IQSEC1: variants seen among roughly 807,000 people sequenced by gnomAD.
The protein encoded by IQSEC1 is IQ motif and Sec7 domain ArfGEF 1, also known as IQ motif and SEC7 domain-containing protein 1.
In IQSEC1, 31 loss-of-function variants were observed where a neutral mutation model predicts 91.0. The ratio of observed to expected loss-of-function variants is 0.34; its 90% confidence interval spans 0.26 to 0.46. The LOEUF is 0.46. IQSEC1 is among the 20% of genes least tolerant of loss of function. The probability of loss-of-function intolerance (pLI) is 1.00; values close to 1 mark genes in which losing one functional copy is unlikely to be tolerated. For missense variants in IQSEC1, 1,388 were observed against 1,575.6 expected (o/e 0.88, Z 2.02); for synonymous variants, 699 against 662.6 (o/e 1.05, Z -0.84).
At chr3:12,917,420 C>T (rs763638050) in intron 6 of IQSEC1, among the ~76,000 whole-genome samples, 7 of 152,210 alleles carry the variant, frequency 4.6e-5, no homozygotes, top group Non-Finnish European at 8.8e-5. Flanking sequence ...TCCCCAGCTC[C>T]TGGCAGCCAC....
chr3:13,013,326 G>A (rs1038990476), intron 1 of IQSEC1, among the ~76,000 whole-genome samples: 1 of 152,122 alleles, frequency 6.6e-6, no homozygotes, highest in East Asian at 1.9e-4. Context: ...CTCTGCCGGC[G>A]GAGTCCCCTC....
intron 1 of IQSEC1, among the ~76,000 whole-genome samples, chr3:13,250,489 G>T (rs989031198): frequency 1.3e-5 from 2 of 148,636 alleles, no homozygotes; most frequent in Non-Finnish European, 1.5e-5. Context: ...CTTGATCTTG[G>T]CTCACTTCAA....
chr3:12,902,700 AC>A, intron 13 of IQSEC1, 72 bp downstream of exon 13: 1 of 637,398 alleles, frequency 1.6e-6, no homozygotes. Flanking sequence ...AAAAACCAGG[AC>A]AACAGATATG....
At chr3:13,225,928 G>A (rs1164401781) in intron 1 of IQSEC1, among the ~76,000 whole-genome samples, 2 of 151,744 alleles carry the variant, frequency 1.3e-5, no homozygotes, top group African/African-American at 2.4e-5. Context: ...CTCCCAGGCT[G>A]GAGTGCAATT....
chr3:12,936,305 G>A lies in IQSEC1; in HGVS notation c.711C>T (p.Ala237=), dbSNP rs767308012. Residue 237 remains alanine, a synonymous_variant, in exon 3 of 14, where the codon GCC becomes GCT. Transcript: ENST00000613206. ...DAFSRQVKSL[A]ESIDDALNCR... ...AGTTGAGGGCATCGTCGATGGACTC[G>A]GCCAGTGATTTCACTTGCCTAGAGA... 5.6e-6 allele frequency: 9 copies of A among 1,612,556 alleles called. No homozygotes were observed. The highest frequency in any genetic ancestry group is 2.2e-5 in the East Asian group (1 of 44,858).
intron 1 of IQSEC1, among the ~76,000 whole-genome samples, chr3:13,263,991 C>T (rs899494322): frequency 4.6e-5 from 7 of 152,232 alleles, no homozygotes; most frequent in African/African-American, 7.2e-5. Flanking sequence ...GGGCTTCCAA[C>T]GTGCACAAGC....
intron 1 of IQSEC1, among the ~76,000 whole-genome samples, chr3:12,985,647 G>A (rs962341742): frequency 7.9e-5 from 12 of 152,084 alleles, no homozygotes; most frequent in African/African-American, 2.9e-4. Context: ...CGGATTTAAA[G>A]GACGGGTGGC....
At chr3:13,140,425 T>C (rs886839928) in intron 2 of IQSEC1, among the ~76,000 whole-genome samples, 2 of 152,144 alleles carry the variant, frequency 1.3e-5, no homozygotes, top group African/African-American at 4.8e-5. Flanking sequence ...GAAAGACAAA[T>C]GATGACAAAG....
At chr3:13,022,948 C>T (rs1202835142) in intron 1 of IQSEC1, among the ~76,000 whole-genome samples, 1 of 152,214 alleles carries the variant, frequency 6.6e-6, no homozygotes, top group African/African-American at 2.4e-5. Context: ...CTACTGTGGG[C>T]TTGTGGAGCT....
At chr3:13,056,311 T>C (rs1467607530) in intron 1 of IQSEC1, among the ~76,000 whole-genome samples, 1 of 151,036 alleles carries the variant, frequency 6.6e-6, no homozygotes. Flanking sequence ...CCTCATGTCC[T>C]GGCCCTGAAA....
chr3:13,182,402 T>C (rs1009417376), intron 1 of IQSEC1, among the ~76,000 whole-genome samples: 2 of 152,176 alleles, frequency 1.3e-5, no homozygotes, highest in African/African-American at 4.8e-5. Flanking sequence ...ATAATAATAA[T>C]ATTCATGGTA....
In IQSEC1 at chr3:13,268,887, G is replaced by A. The variant is rs532644104; in HGVS notation, c.272+13824C>T. 2.0e-5 allele frequency among the ~76,000 whole-genome samples: 3 copies of A among 152,260 alleles called. No homozygotes were observed. In the East Asian group the frequency reaches 5.8e-4, roughly 29 times the overall value. Reference sequence around the variant, plus strand: ...AGATGCAAGCCCCCAGGCCCCCAGTGGTAACAAGACAGGAAGCCTGCAGAG... The same window carrying A: ...AGATGCAAGCCCCCAGGCCCCCAGTAGTAACAAGACAGGAAGCCTGCAGAG... On this transcript the variant is annotated intron_variant, in intron 1 of 15. Coordinates refer to the IQSEC1 transcript ENST00000648114.
At chr3:13,098,474 A>G (rs536118768) in intron 2 of IQSEC1, among the ~76,000 whole-genome samples, 2 of 152,296 alleles carry the variant, frequency 1.3e-5, no homozygotes, top group African/African-American at 4.8e-5. Flanking sequence ...TCTACAAAGA[A>G]AAGAAAAGCC....
At chr3:13,191,647 T>C (rs1694035521) in intron 1 of IQSEC1, among the ~76,000 whole-genome samples, 1 of 152,136 alleles carries the variant, frequency 6.6e-6, no homozygotes, top group African/African-American at 2.4e-5. Context: ...CCAAAACTGG[T>C]TTTTTATCTT....
At chr3:13,219,566 A>G (rs73134151) in intron 1 of IQSEC1, among the ~76,000 whole-genome samples, 29,349 of 152,158 alleles carry the variant, frequency 0.19, 4,061 homozygotes, top group African/African-American at 0.38. Flanking sequence ...CTTCACCAAC[A>G]CCCACCCGGC....
intron 2 of IQSEC1, among the ~76,000 whole-genome samples, chr3:13,091,273 GTCC>G (rs1705856945): frequency 6.6e-6 from 1 of 152,356 alleles, no homozygotes; most frequent in East Asian, 1.9e-4. Context: ...GCTGGTTGCT[GTCC>G]TCCTTCCTCA....
rs1696904446 is a variant in IQSEC1 at position 12,924,187 on chromosome 3, C to T, written c.1730+394G>A. 6.6e-6 allele frequency among the ~76,000 whole-genome samples: 1 copy of T among 152,190 alleles called. No individual in the cohort carries two copies. The highest frequency in any genetic ancestry group is 6.5e-5 in the Admixed American group (1 of 15,288). Reference sequence around the variant, plus strand: ...CAACAGCCAGGCCAGGGGAAGAGGCCCTGACGTCCAGCTGCCTGCTCCTGC... The same window carrying T: ...CAACAGCCAGGCCAGGGGAAGAGGCTCTGACGTCCAGCTGCCTGCTCCTGC... On this transcript the variant is annotated intron_variant, in intron 4 of 13. Transcript: ENST00000613206. This position sits in a 1 kb window ranked among gnomAD's most constrained non-coding sequence, Gnocchi z 6.3.
intron 1 of IQSEC1, among the ~76,000 whole-genome samples, chr3:12,945,847 G>A (rs540526700): frequency 6.6e-5 from 10 of 152,306 alleles, no homozygotes; most frequent in African/African-American, 2.4e-4. Context: ...TGCAGCCATG[G>A]GCACTCTAGG....
intron 1 of IQSEC1, among the ~76,000 whole-genome samples, chr3:13,048,755 T>C (rs1458012914): frequency 1.3e-5 from 2 of 152,356 alleles, no homozygotes; most frequent in Non-Finnish European, 2.9e-5. Flanking sequence ...GTAGATCCTA[T>C]GTTCAGCAGA....
Sources: gnomAD v4.1 joint callset for allele counts (sites outside exome capture counted in the v4.1 genomes callset) on GRCh38, gnomAD v4.1.1 for gene constraint, Gnocchi (gnomAD v3.1) non-coding constraint, MANE v1.5 for transcripts, NCBI Gene and HGNC (gene_info 2026-07-23, HGNC 2026-07-21) for gene names.